EIPR1: variants seen among roughly 807,000 people sequenced by gnomAD.
EIPR1 encodes the protein EARP complex and GARP complex interacting protein 1.
Under a neutral mutation model 48.1 loss-of-function variants are expected in EIPR1, and 25 were observed. That is an observed-to-expected ratio of 0.52 (90% CI 0.38 to 0.73). The LOEUF is 0.73. Ranked by LOEUF, EIPR1 falls within the 30% of genes least tolerant of loss-of-function variation. The pLI is 0.00. For missense variants in EIPR1, 415 were observed against 506.2 expected (o/e 0.82, Z 1.73); for synonymous variants, 204 against 201.9 (o/e 1.01, Z -0.09).
At chr2:3,276,107 C>T (rs1667839962) in intron 3 of EIPR1, among the ~76,000 whole-genome samples, 1 of 152,214 alleles carries the variant, frequency 6.6e-6, no homozygotes, top group Non-Finnish European at 1.5e-5. Context: ...CATTCAATTT[C>T]ATAGGCATTG....
At position 3,189,893 on chromosome 2, in the gene EIPR1, AAC is replaced by A. The variant is rs975081754; in HGVS notation, c.990-387_990-386del. On this transcript the variant is annotated intron_variant, in intron 8 of 8. Transcript: ENST00000382125. The surrounding 1 kb of genome is among the most constrained non-coding windows in gnomAD (Gnocchi z 4.6). ...GGGGAAGTAGTCACCGTGTCTGGGT[AAC>A]ACAGGATGTAAACGCCCCTATTGCT... Among the ~76,000 whole-genome samples the A allele has an allele frequency of 6.6e-6, 1 of 152,116 alleles. No individual in the cohort carries two copies. The highest frequency in any genetic ancestry group is 2.4e-5 in the African/African-American group (1 of 41,420).
chr2:3,256,606 G>C (rs1208372385), intron 4 of EIPR1, among the ~76,000 whole-genome samples: 2 of 152,214 alleles, frequency 1.3e-5, no homozygotes, highest in Non-Finnish European at 2.9e-5. Context: ...ATGTGTTAAT[G>C]CATTAAGTAA....
chr2:3,290,167 T>C (rs971351308), intron 3 of EIPR1, among the ~76,000 whole-genome samples: 2 of 152,188 alleles, frequency 1.3e-5, no homozygotes, highest in African/African-American at 4.8e-5. Flanking sequence ...AGGCCCAGCA[T>C]ACAGGGCAGT....
intron 4 of EIPR1, among the ~76,000 whole-genome samples, chr2:3,233,990 C>G (rs1465441722): frequency 3.9e-5 from 6 of 152,184 alleles, no homozygotes; most frequent in African/African-American, 1.4e-4. Context: ...TCAGCTCTGT[C>G]ACTGTAACAT....
chr2:3,366,783 G>A (rs951598518), intron 1 of EIPR1, among the ~76,000 whole-genome samples: 3 of 152,174 alleles, frequency 2.0e-5, no homozygotes, highest in Admixed American at 2.0e-4. Flanking sequence ...GGCCGGGCGC[G>A]GTGGCTCACG....
At chr2:3,304,593 GTTCAACCTTCCAC>G (rs1668860154) in intron 3 of EIPR1, among the ~76,000 whole-genome samples, 1 of 5,730 alleles carries the variant, frequency 1.7e-4, no homozygotes, top group African/African-American at 7.5e-4. Context: ...ATCCCGTCCA[GTTCAACCTTCCAC>G]TCCCGTCCAA....
At chr2:3,288,805 T>A (rs1668283274) in intron 3 of EIPR1, among the ~76,000 whole-genome samples, 1 of 152,182 alleles carries the variant, frequency 6.6e-6, no homozygotes, top group South Asian at 2.1e-4. Flanking sequence ...GCAGCAGCCA[T>A]GATACAGTGG....
At chr2:3,260,418 G>T (rs1451299558) in intron 3 of EIPR1, among the ~76,000 whole-genome samples, 1 of 150,082 alleles carries the variant, frequency 6.7e-6, no homozygotes, top group East Asian at 2.0e-4. Flanking sequence ...TTGAATCTGG[G>T]GGGTGGAGGT....
intron 1 of EIPR1, among the ~76,000 whole-genome samples, chr2:3,357,234 ACT>A (rs945473263): frequency 1.3e-5 from 2 of 151,912 alleles, no homozygotes; most frequent in African/African-American, 2.4e-5. Flanking sequence ...ATTTTCAGTA[ACT>A]CTCTGCATTT....
At chr2:3,201,645 A>T (rs1002957548) in intron 5 of EIPR1, among the ~76,000 whole-genome samples, 2 of 152,180 alleles carry the variant, frequency 1.3e-5, no homozygotes, top group Non-Finnish European at 1.5e-5. Context: ...CCCCCTTGCA[A>T]AGCTACCGAG....
rs1405440084 is a variant in EIPR1 at position 3,257,294 on chromosome 2, C to A, written c.416+5G>T. ...TCTGGGCGCATGAAATATGCAAAAT[C>A]CTACCAGGCCATGTTGCCATGGGCT... On this transcript the variant is annotated splice_donor_5th_base_variant and intron_variant, in intron 4 of 8. Coordinates refer to ENST00000382125, the MANE Select transcript of EIPR1 (RefSeq NM_003310.5). 1 of 1,611,812 alleles carries A rather than the reference C, an allele frequency of 6.2e-7. No homozygotes were observed. Among genetic ancestry groups the A allele is most frequent in the Admixed American group, 1.7e-5 (1 of 59,938 alleles).
chr2:3,325,048 G>A (rs1669652844), intron 3 of EIPR1, among the ~76,000 whole-genome samples: 1 of 152,238 alleles, frequency 6.6e-6, no homozygotes, highest in Admixed American at 6.5e-5. Context: ...GATCAGTTCT[G>A]TCTTTTATCA....
intron 3 of EIPR1, among the ~76,000 whole-genome samples, chr2:3,295,835 GCA>G (rs1157220957): frequency 2.8e-4 from 11 of 39,546 alleles, no homozygotes; most frequent in East Asian, 1.7e-3. Flanking sequence ...TCCTCTCCCT[GCA>G]CACACACACC....
chr2:3,193,926 C>CCT, intron 7 of EIPR1, 73 bp downstream of exon 7: 2 of 1,545,754 alleles, frequency 1.3e-6, no homozygotes, highest in South Asian at 2.4e-5. Context: ...TTGTGTCTTT[C>CCT]CCAATGGTAA....
chr2:3,358,708 T>G (rs1393974287), intron 1 of EIPR1, among the ~76,000 whole-genome samples: 1 of 152,162 alleles, frequency 6.6e-6, no homozygotes, highest in Non-Finnish European at 1.5e-5. Context: ...AGCTCTGGCT[T>G]GGAGAAAGAT....
At chr2:3,291,404 T>C (rs1668361336) in intron 3 of EIPR1, among the ~76,000 whole-genome samples, 1 of 152,218 alleles carries the variant, frequency 6.6e-6, no homozygotes, top group Non-Finnish European at 1.5e-5. Context: ...CAAATCCATA[T>C]ATTAGACTAT....
Position 3,314,089 on chromosome 2 carries a change from C to T in EIPR1, c.259+23928G>A, listed in dbSNP as rs368531018. 5.7e-4 allele frequency among the ~76,000 whole-genome samples: 87 copies of T among 152,308 alleles called. 2 individuals are homozygous for T. The South Asian group carries it at 9.5e-3, about 17-fold the overall frequency. The stretch of plus-strand genomic sequence containing the variant: ...AACATCGGCGGATGCAGAGCACACA[C>T]GCTGGCCATATGTCATTGGGGCGCC... On this transcript the variant is annotated intron_variant, in intron 3 of 8. Transcript: ENST00000382125.
rs36166849 is a variant in EIPR1 at position 3,269,415 on chromosome 2, G to A, written c.260-11960C>T. Among the ~76,000 whole-genome samples, 11 of 66,282 alleles carry A rather than the reference G, an allele frequency of 1.7e-4. 1 individual carries two copies. Among genetic ancestry groups the A allele is most frequent in the African/African-American group, 2.9e-4 (5 of 17,344 alleles). 43.5% of individuals were successfully genotyped at this position (66,282 alleles called of 152,430 possible). A position where few individuals can be genotyped will look rare whatever the true frequency, so the allele number is the denominator to read the frequency against. On this transcript the variant is annotated intron_variant, in intron 3 of 8. Coordinates refer to ENST00000382125, the MANE Select transcript of EIPR1 (RefSeq NM_003310.5). ...CACTCAGTCATCGCACTCAATCATCGCACTCAATCATCACACTCAATCATC... is the reference window on the plus strand; with the variant it reads ...CACTCAGTCATCGCACTCAATCATCACACTCAATCATCACACTCAATCATC...
At chr2:3,341,121 C>A (rs34788031) in intron 2 of EIPR1, among the ~76,000 whole-genome samples, 16,314 of 86,636 alleles carry the variant, frequency 0.19, 1,233 homozygotes, top group East Asian at 0.3. Context: ...AAAAAAAAAA[C>A]AAAACAAAAC....
Sources: gnomAD v4.1 joint callset for allele counts (sites outside exome capture counted in the v4.1 genomes callset) on GRCh38, gnomAD v4.1.1 for gene constraint, Gnocchi (gnomAD v3.1) non-coding constraint, MANE v1.5 for transcripts, NCBI Gene and HGNC (gene_info 2026-07-23, HGNC 2026-07-21) for gene names.